LPP: variants seen among roughly 807,000 people sequenced by gnomAD.
LPP encodes LIM domain containing preferred translocation partner in lipoma, also known as lipoma-preferred partner.
A neutral mutation model predicts 60.4 loss-of-function variants in LPP; 38 were observed. The observed-to-expected ratio is 0.63, with a 90% CI of 0.49 to 0.83. The LOEUF is 0.83. Ranked by LOEUF, LPP falls within the 40% of genes least tolerant of loss-of-function variation. The probability of loss-of-function intolerance (pLI) is 0.00; values close to 1 mark genes in which losing one functional copy is unlikely to be tolerated. For missense variants in LPP, 902 were observed against 783.6 expected (o/e 1.15, Z -1.80); for synonymous variants, 328 against 290.8 (o/e 1.13, Z -1.30).
intron 2 of LPP, among the ~76,000 whole-genome samples, chr3:188,271,792 A>G (rs916006902): frequency 3.3e-5 from 5 of 152,194 alleles, no homozygotes; most frequent in African/African-American, 1.2e-4. Flanking sequence ...TAAAGGAAGG[A>G]GGAAGTTTCC....
chr3:188,566,841 C>T (rs76911551), intron 6 of LPP, among the ~76,000 whole-genome samples: 3,545 of 151,532 alleles, frequency 0.023, 141 homozygotes, highest in African/African-American at 0.082. Context: ...GTAAGGAGAT[C>T]GAAAAACAAA....
At chr3:188,754,407 T>C (rs2150376587) in intron 8 of LPP, among the ~76,000 whole-genome samples, 1 of 152,290 alleles carries the variant, frequency 6.6e-6, no homozygotes, top group South Asian at 2.1e-4. Context: ...GCGTTAGGAA[T>C]TTCTTTTTTT....
intron 4 of LPP, among the ~76,000 whole-genome samples, chr3:188,476,687 G>A (rs930756713): frequency 6.6e-6 from 1 of 152,078 alleles, no homozygotes; most frequent in Non-Finnish European, 1.5e-5. Flanking sequence ...AAAATTAATA[G>A]TAATGTTTTC....
chr3:188,466,130 A>G (rs1411741648), intron 4 of LPP, among the ~76,000 whole-genome samples: 2 of 152,266 alleles, frequency 1.3e-5, no homozygotes, highest in African/African-American at 4.8e-5. Context: ...ATGGCTCAAT[A>G]GTTCAGTAGA....
At position 188,471,680 on chromosome 3, in the gene LPP, G is replaced by A. The variant is rs941289673; in HGVS notation, c.194-12912G>A. ...AGGTTCATTTGATGATGCTCATTCAGCAATCAGAAATTCAGAGGTGAAATC... is the reference window on the plus strand; with the variant it reads ...AGGTTCATTTGATGATGCTCATTCAACAATCAGAAATTCAGAGGTGAAATC... On this transcript the variant is annotated intron_variant, in intron 4 of 11. Coordinates refer to ENST00000617246, the MANE Select transcript of LPP (RefSeq NM_001375462.1). 2.0e-5 allele frequency among the ~76,000 whole-genome samples: 3 copies of A among 152,280 alleles called. No homozygotes were observed. In the East Asian group the frequency reaches 5.8e-4, roughly 29 times the overall value.
chr3:188,682,336 G>T (rs1859717635), intron 7 of LPP, among the ~76,000 whole-genome samples: 1 of 152,218 alleles, frequency 6.6e-6, no homozygotes, highest in Non-Finnish European at 1.5e-5. Context: ...CAGATTGTGT[G>T]ATTTTTAGGA....
At chr3:188,672,960 G>GT (rs948999058) in intron 7 of LPP, among the ~76,000 whole-genome samples, 7,403 of 142,468 alleles carry the variant, frequency 0.052, 578 homozygotes, top group African/African-American at 0.17. Context: ...TTCTTTTATT[G>GT]TTTTTTTTTT....
chr3:188,155,265 CA>C (rs1715905003), intron 1 of LPP, among the ~76,000 whole-genome samples: 2 of 152,140 alleles, frequency 1.3e-5, no homozygotes, highest in African/African-American at 2.4e-5. Flanking sequence ...TCCCCCAACA[CA>C]AAACAACTAG....
intron 7 of LPP, 151 bp from the exon 8 acceptor site, chr3:188,708,116 T>C: frequency 1.3e-6 from 1 of 744,870 alleles, no homozygotes; most frequent in Non-Finnish European, 2.2e-6. Flanking sequence ...AGCCACTGAA[T>C]AAGTGATAAA....
chr3:188,685,464 A>G (rs1860502027), intron 7 of LPP, among the ~76,000 whole-genome samples: 1 of 152,154 alleles, frequency 6.6e-6, no homozygotes. Flanking sequence ...GATAAGATTG[A>G]AAACAAATTT....
intron 7 of LPP, among the ~76,000 whole-genome samples, chr3:188,696,756 T>A (rs545352862): frequency 6.6e-6 from 1 of 152,348 alleles, no homozygotes; most frequent in African/African-American, 2.4e-5. Flanking sequence ...TAAGGCATAC[T>A]GATTACTATC....
intron 9 of LPP, among the ~76,000 whole-genome samples, chr3:188,797,174 G>A (rs1305729860): frequency 1.3e-5 from 2 of 151,678 alleles, no homozygotes; most frequent in African/African-American, 4.8e-5. Flanking sequence ...TACAAACACA[G>A]CAGGGCTCTA....
intron 7 of LPP, among the ~76,000 whole-genome samples, chr3:188,634,051 C>G (rs1848289541): frequency 1.3e-5 from 2 of 152,158 alleles, no homozygotes; most frequent in South Asian, 4.1e-4. Context: ...ACACAAAAGT[C>G]TGCATGAAAA....
At chr3:188,691,654 C>T (rs1166072559) in intron 7 of LPP, among the ~76,000 whole-genome samples, 2 of 152,190 alleles carry the variant, frequency 1.3e-5, no homozygotes, top group African/African-American at 4.8e-5. Flanking sequence ...AAACCGGACC[C>T]AGAGAGGTGA....
intron 4 of LPP, among the ~76,000 whole-genome samples, chr3:188,440,562 A>T (rs887360784): frequency 6.6e-6 from 1 of 152,192 alleles, no homozygotes; most frequent in Non-Finnish European, 1.5e-5. Flanking sequence ...TTTACATCTG[A>T]CATTCTTGCA....
At chr3:188,214,859 T>C (rs1175511033) in intron 1 of LPP, among the ~76,000 whole-genome samples, 2 of 152,192 alleles carry the variant, frequency 1.3e-5, no homozygotes, top group South Asian at 2.1e-4. Flanking sequence ...CTGACAAGCA[T>C]TGGTTGCTTA....
At position 188,352,757 on chromosome 3, in the gene LPP, C is replaced by T. The variant is rs978962145; in HGVS notation, c.-10+11038C>T. Reference sequence around the variant, plus strand: ...GTGCGCACTTCAGTCCTGAAAGCTGCAGAGGGATGGGCTGGTGACACTGCC... The same window carrying T: ...GTGCGCACTTCAGTCCTGAAAGCTGTAGAGGGATGGGCTGGTGACACTGCC... On this transcript the variant is annotated intron_variant, in intron 3 of 11. Coordinates refer to ENST00000617246, the MANE Select transcript of LPP (RefSeq NM_001375462.1). This position sits in a 1 kb window ranked among gnomAD's most constrained non-coding sequence, Gnocchi z 4.4. 6.6e-6 allele frequency among the ~76,000 whole-genome samples: 1 copy of T among 152,142 alleles called. No individual in the cohort carries two copies. The highest frequency in any genetic ancestry group is 1.5e-5 in the Non-Finnish European group (1 of 68,034).
At chr3:188,629,056 C>T (rs536552306) in intron 7 of LPP, among the ~76,000 whole-genome samples, 12 of 152,218 alleles carry the variant, frequency 7.9e-5, no homozygotes, top group Non-Finnish European at 1.0e-4. Context: ...AATTCAACAT[C>T]GCTTCATGTT....
chr3:188,378,115 T>C (rs1413291484), intron 3 of LPP, among the ~76,000 whole-genome samples: 1 of 152,200 alleles, frequency 6.6e-6, no homozygotes, highest in African/African-American at 2.4e-5. Context: ...CGTCTGCCCC[T>C]ACTGGGGGGT....
Sources: allele counts gnomAD v4.1 joint callset (sites outside exome capture counted in the v4.1 genomes callset), GRCh38; gene constraint gnomAD v4.1.1; non-coding constraint Gnocchi (gnomAD v3.1); transcripts MANE v1.5; gene names NCBI Gene and HGNC (gene_info 2026-07-23, HGNC 2026-07-21).